MARCHF1: variants seen among roughly 807,000 people sequenced by gnomAD.
The protein encoded by MARCHF1 is E3 ubiquitin-protein ligase MARCHF1.
MARCHF1 carries 40 observed loss-of-function variants against 54.2 expected under a neutral mutation model. The ratio of observed to expected loss-of-function variants is 0.74; its 90% CI spans 0.57 to 0.96. MARCHF1 has a LOEUF of 0.96. MARCHF1 is among the 40% of genes least tolerant of loss of function. The pLI is 0.00. For synonymous variants in MARCHF1, 236 were observed against 236.3 expected (o/e 1.00, Z 0.01); for missense variants, 586 against 656.5 (o/e 0.89, Z 1.17).
chr4:163,967,216 T>G (rs1752459568), intron 3 of MARCHF1, among the ~76,000 whole-genome samples: 1 of 152,150 alleles, frequency 6.6e-6, no homozygotes, highest in African/African-American at 2.4e-5. Context: ...TCAAAGTCAC[T>G]TAAGCAGAGG....
At chr4:163,581,845 C>A (rs781533904) in intron 8 of MARCHF1, among the ~76,000 whole-genome samples, 9 of 152,038 alleles carry the variant, frequency 5.9e-5, no homozygotes, top group Non-Finnish European at 1.0e-4. Flanking sequence ...GCATATGGCT[C>A]AACATAAGCA....
At chr4:164,333,295 C>T (rs1434302471) in intron 1 of MARCHF1, among the ~76,000 whole-genome samples, 2 of 152,058 alleles carry the variant, frequency 1.3e-5, no homozygotes, top group African/African-American at 2.4e-5. Context: ...TTTTATTATA[C>T]TTCACTTTAT....
intron 3 of MARCHF1, among the ~76,000 whole-genome samples, chr4:163,935,710 T>C (rs968499561): frequency 4.6e-4 from 69 of 150,218 alleles, no homozygotes; most frequent in South Asian, 2.7e-3. Context: ...TTCTTTTTTT[T>C]TTTTTTTTTT....
chr4:163,881,615 T>C lies in MARCHF1; in HGVS notation c.-38-27446A>G, dbSNP rs188043415. On this transcript the variant is annotated intron_variant, in intron 3 of 9. Transcript: ENST00000514618. ...ATCTACAAAATAATTGAATGTATAATAGTGGAAAGAGGAAGAGAGGTATAA... is the reference window on the plus strand; with the variant it reads ...ATCTACAAAATAATTGAATGTATAACAGTGGAAAGAGGAAGAGAGGTATAA... 6.3e-4 allele frequency among the ~76,000 whole-genome samples: 95 copies of C among 151,954 alleles called. 3 individuals are homozygous for C. In the East Asian group the frequency reaches 0.013, roughly 21 times the overall value.
intron 2 of MARCHF1, among the ~76,000 whole-genome samples, chr4:164,037,398 T>C (rs1023545354): frequency 6.6e-6 from 1 of 152,198 alleles, no homozygotes; most frequent in Non-Finnish European, 1.5e-5. Flanking sequence ...AGCATGAATA[T>C]ATTACAAAAA....
chr4:163,992,043 C>T (rs1464397602), intron 2 of MARCHF1, among the ~76,000 whole-genome samples: 4 of 125,868 alleles, frequency 3.2e-5, no homozygotes, highest in African/African-American at 1.3e-4. Flanking sequence ...ATAAGACCAG[C>T]TTGATCTTTG....
intron 1 of MARCHF1, among the ~76,000 whole-genome samples, chr4:164,242,591 G>A (rs1191717728): frequency 6.6e-6 from 1 of 152,228 alleles, no homozygotes; most frequent in African/African-American, 2.4e-5. Flanking sequence ...CCAAAGGAAT[G>A]CAGTTCCTCA....
intron 2 of MARCHF1, among the ~76,000 whole-genome samples, chr4:163,994,313 G>A (rs1348007336): frequency 2.2e-5 from 3 of 137,344 alleles, no homozygotes; most frequent in Non-Finnish European, 4.8e-5. Flanking sequence ...AGTGTGGTGG[G>A]GAGGAAGCAT....
intron 1 of MARCHF1, among the ~76,000 whole-genome samples, chr4:164,364,257 T>C (rs1161029100): frequency 1.3e-5 from 2 of 152,096 alleles, no homozygotes; most frequent in East Asian, 3.9e-4. Context: ...ACAGATTATG[T>C]GCAAGTTCAT....
intron 1 of MARCHF1, among the ~76,000 whole-genome samples, chr4:164,187,675 A>T (rs1016435051): frequency 3.9e-5 from 6 of 152,210 alleles, no homozygotes; most frequent in Non-Finnish European, 7.3e-5. Context: ...CTGCTTGAGC[A>T]CTTGACAACA....
At chr4:163,894,690 CAT>C (rs372995089) in intron 3 of MARCHF1, among the ~76,000 whole-genome samples, 6 of 8,248 alleles carry the variant, frequency 7.3e-4, no homozygotes, top group African/African-American at 2.4e-3. Context: ...GCATGTGATG[CAT>C]ATATATATGC....
chr4:164,058,901 T>G (rs1161584551), intron 2 of MARCHF1, among the ~76,000 whole-genome samples: 1 of 152,234 alleles, frequency 6.6e-6, no homozygotes, highest in Non-Finnish European at 1.5e-5. Context: ...AAATTGTGTA[T>G]TCAGAGATGT....
intron 4 of MARCHF1, among the ~76,000 whole-genome samples, chr4:163,808,300 G>C (rs1407782056): frequency 2.6e-5 from 4 of 152,170 alleles, no homozygotes; most frequent in African/African-American, 9.7e-5. Context: ...AAGCATTTCT[G>C]ATTCAAGTAC....
chr4:163,684,269 A>T (rs949896738), intron 5 of MARCHF1, among the ~76,000 whole-genome samples: 4 of 152,206 alleles, frequency 2.6e-5, no homozygotes, highest in Non-Finnish European at 5.9e-5. Flanking sequence ...CAGGGATTGT[A>T]TGTTGGTGTA....
intron 2 of MARCHF1, among the ~76,000 whole-genome samples, chr4:164,064,743 C>T (rs1754691302): frequency 6.6e-6 from 1 of 152,112 alleles, no homozygotes; most frequent in African/African-American, 2.4e-5. Flanking sequence ...AAGGGGAATG[C>T]TTCCAGTTTT....
chr4:164,325,340 T>TATATATATATATAC (rs1735247098), intron 1 of MARCHF1, among the ~76,000 whole-genome samples: 1 of 149,080 alleles, frequency 6.7e-6, no homozygotes, highest in Admixed American at 6.7e-5. Flanking sequence ...AAATTATATA[T>TATATATATATATAC]ATATATATAT....
rs572966515 is a variant in MARCHF1, at chr4:164,153,762, G to T, written c.-322-42100C>A. Among the ~76,000 whole-genome samples, 6 of 152,028 alleles carry T rather than the reference G, an allele frequency of 3.9e-5. No individual in the cohort carries two copies. The South Asian group carries it at 1.2e-3, about 32-fold the overall frequency. ...TTCTTGTGCATTTAAAATATAATTT[G>T]ATTTTTTAAATCTAAATTTATGCTT... is the stretch of plus-strand genomic sequence containing the variant. On this transcript the variant is annotated intron_variant, in intron 1 of 9. Coordinates refer to ENST00000514618, the MANE Select transcript of MARCHF1 (RefSeq NM_001394959.1).
Position 164,358,927 on chromosome 4 carries a change from T to C in MARCHF1, c.-323+24943A>G, listed in dbSNP as rs1346895973. ...GCTCCAAAGGTCATTTTTTCATGTATTTTTATAGCAATGATGTTTTTCTTT... is the reference window on the plus strand; with the variant it reads ...GCTCCAAAGGTCATTTTTTCATGTACTTTTATAGCAATGATGTTTTTCTTT... On this transcript the variant is annotated intron_variant, in intron 1 of 9. Coordinates refer to ENST00000514618, the MANE Select transcript of MARCHF1 (RefSeq NM_001394959.1). 2.0e-5 allele frequency among the ~76,000 whole-genome samples: 3 copies of C among 152,238 alleles called. No individual in the cohort carries two copies. The South Asian group carries it at 6.2e-4, about 32-fold the overall frequency.
chr4:163,849,841 TAA>T (rs1749594984), intron 4 of MARCHF1, among the ~76,000 whole-genome samples: 1 of 152,192 alleles, frequency 6.6e-6, no homozygotes, highest in Non-Finnish European at 1.5e-5. Flanking sequence ...TTTATCATGT[TAA>T]GTCTGAAATG....
Sources: gnomAD v4.1 joint callset for allele counts (sites outside exome capture counted in the v4.1 genomes callset) on GRCh38, gnomAD v4.1.1 for gene constraint, MANE v1.5 for transcripts, NCBI Gene and HGNC (gene_info 2026-07-23, HGNC 2026-07-21) for gene names.